The following PIAS2 variants were observed in gnomAD, a reference collection of about 807,000 sequenced individuals.
The protein encoded by PIAS2 is E3 SUMO-protein ligase PIAS2.
In PIAS2, 19 loss-of-function variants were observed where a neutral mutation model predicts 69.7. That is an observed-to-expected ratio of 0.27 (90% CI 0.19 to 0.40). The LOEUF is 0.40. Among genes scored for constraint, PIAS2 ranks in the 10% least tolerant of loss-of-function variants. PIAS2 has a pLI of 1.00. For missense variants in PIAS2, 624 were observed against 757.0 expected (o/e 0.82, Z 2.06); for synonymous variants, 261 against 263.2 (o/e 0.99, Z 0.08).
chr18:46,832,892 C>CA (rs34958166), intron 9 of PIAS2, among the ~76,000 whole-genome samples: 54,136 of 105,604 alleles, frequency 0.51, 12,148 homozygotes, highest in Middle Eastern at 0.58. Flanking sequence ...CCTCTGTCTC[C>CA]AAAAAAAAAA....
In PIAS2 at chr18:46,808,552, T is replaced by C. The variant is rs930032470; in HGVS notation, c.*3881A>G. On this transcript the variant is annotated 3_prime_UTR_variant, in exon 14 of 14. Coordinates refer to ENST00000585916, the MANE Select transcript of PIAS2 (RefSeq NM_004671.5). Reference sequence around the variant, plus strand: ...ATTTTCTTCTACCTGTTTCACCACATTCATGTAGAACTGTAGTAAAAAAGA... The same window carrying C: ...ATTTTCTTCTACCTGTTTCACCACACTCATGTAGAACTGTAGTAAAAAAGA... 5.3e-5 allele frequency: 8 copies of C among 152,178 alleles called. No homozygotes were observed. The highest frequency in any genetic ancestry group is 3.3e-4 in the Admixed American group (5 of 15,278). 9.4% of individuals were successfully genotyped at this position (152,178 alleles called of 1,614,324 possible). A position where few individuals can be genotyped will look rare whatever the true frequency, so the allele number is the denominator to read the frequency against.
intron 9 of PIAS2, chr18:46,836,133 T>C: frequency 2.7e-6 from 1 of 366,592 alleles, no homozygotes; most frequent in Non-Finnish European, 5.0e-6. Flanking sequence ...AGCAAAAACA[T>C]TGCCCTCAAC....
rs376282702 is a variant in PIAS2, at chr18:46,885,858, T to C, written c.499+4722A>G. ...ACAAAATATCTCTGGCATTATTTTATCTAAGCCAAATGAGATAGTTTTGAA... is the reference window on the plus strand; with the variant it reads ...ACAAAATATCTCTGGCATTATTTTACCTAAGCCAAATGAGATAGTTTTGAA... On this transcript the variant is annotated intron_variant, in intron 2 of 13. Coordinates refer to ENST00000585916, the MANE Select transcript of PIAS2 (RefSeq NM_004671.5). Among the ~76,000 whole-genome samples, 14 of 152,362 alleles carry C rather than the reference T, an allele frequency of 9.2e-5. 1 individual carries two copies. In the South Asian group the frequency reaches 1.4e-3, roughly 16 times the overall value.
At chr18:46,871,845 T>C (rs1451495864) in intron 2 of PIAS2, among the ~76,000 whole-genome samples, 1 of 152,212 alleles carries the variant, frequency 6.6e-6, no homozygotes, top group Non-Finnish European at 1.5e-5. Flanking sequence ...TAGGAAGACA[T>C]TTAATGCTAA....
At chr18:46,814,221 A>G (rs1278273433) in intron 13 of PIAS2, among the ~76,000 whole-genome samples, 2 of 152,128 alleles carry the variant, frequency 1.3e-5, no homozygotes, top group East Asian at 3.8e-4. Context: ...CAAGTAGTAA[A>G]ACCTAAGGAT....
intron 5 of PIAS2, among the ~76,000 whole-genome samples, chr18:46,849,788 G>A (rs1180937366): frequency 6.6e-6 from 1 of 152,126 alleles, no homozygotes; most frequent in Non-Finnish European, 1.5e-5. Context: ...CCACCAACCA[G>A]GTTCAATAAT....
chr18:46,816,933 T>C (rs2041619321), intron 12 of PIAS2: 2 of 935,226 alleles, frequency 2.1e-6, no homozygotes, highest in South Asian at 4.9e-5. Context: ...ATATTAATAA[T>C]ATTCAATAAA....
intron 2 of PIAS2, among the ~76,000 whole-genome samples, chr18:46,882,304 A>C (rs1452616996): frequency 6.6e-6 from 1 of 152,168 alleles, no homozygotes; most frequent in Non-Finnish European, 1.5e-5. Flanking sequence ...TTTAAGGATA[A>C]AAAGAGATTG....
chr18:46,862,552 T>C (rs2048818306), intron 3 of PIAS2, among the ~76,000 whole-genome samples: 1 of 152,154 alleles, frequency 6.6e-6, no homozygotes, highest in Non-Finnish European at 1.5e-5. Context: ...TTTATCATGC[T>C]GAATCTTTTA....
chr18:46,916,893 GAA>G, intron 1 of PIAS2: 1 of 985,514 alleles, frequency 1.0e-6, no homozygotes, highest in East Asian at 1.1e-4. Context: ...TCAGCTTTCA[GAA>G]AACAGTCCTC....
At chr18:46,885,423 G>A (rs542179303) in intron 2 of PIAS2, among the ~76,000 whole-genome samples, 2 of 152,114 alleles carry the variant, frequency 1.3e-5, no homozygotes, top group Admixed American at 1.3e-4. Context: ...GGGAGGCTGA[G>A]GCAAGGAGAA....
At chr18:46,898,744 A>T (rs753297490) in intron 1 of PIAS2, among the ~76,000 whole-genome samples, 2 of 152,182 alleles carry the variant, frequency 1.3e-5, no homozygotes, top group African/African-American at 2.4e-5. Context: ...CTCTAATCTC[A>T]ACACTTTGGG....
intron 1 of PIAS2, among the ~76,000 whole-genome samples, chr18:46,896,072 T>C (rs142086311): frequency 1.3e-5 from 2 of 150,044 alleles, no homozygotes; most frequent in African/African-American, 4.9e-5. Flanking sequence ...ACAACAGAGA[T>C]TTAAAATAAA....
At chr18:46,834,524 A>T (rs1263710400) in intron 9 of PIAS2, among the ~76,000 whole-genome samples, 2 of 152,242 alleles carry the variant, frequency 1.3e-5, no homozygotes, top group Non-Finnish European at 2.9e-5. Context: ...TTAAAGAAAT[A>T]TCTGATAACT....
rs948836898 is a variant in PIAS2, at chr18:46,803,941, T to C, written c.*8492A>G. The C allele has an allele frequency of 6.6e-6, 1 of 152,088 alleles. No individual in the cohort carries two copies. Among genetic ancestry groups the C allele is most frequent in the African/African-American group, 2.4e-5 (1 of 41,390 alleles). 9.4% of individuals were successfully genotyped at this position (152,088 alleles called of 1,614,324 possible). ...CCTGTAAGTTTTGGAGTTCAGAAGG[T>C]GAGTATGCTGCCTTTCAACACCTCA... On this transcript the variant is annotated 3_prime_UTR_variant, in exon 14 of 14. Coordinates refer to ENST00000585916, the MANE Select transcript of PIAS2 (RefSeq NM_004671.5).
chr18:46,875,368 G>T (rs1042656030), intron 2 of PIAS2, among the ~76,000 whole-genome samples: 2 of 152,118 alleles, frequency 1.3e-5, no homozygotes, highest in African/African-American at 4.8e-5. Context: ...CAACTTACGT[G>T]GTCCCACCCC....
rs1568766606 is a variant in PIAS2, at chr18:46,890,603, ACAT to A, written c.473_475del (p.Asp158del). 2.5e-6 allele frequency: 4 copies of A among 1,610,482 alleles called. No individual in the cohort carries two copies. Among genetic ancestry groups the A allele is most frequent in the Non-Finnish European group, 2.5e-6 (3 of 1,176,780 alleles). ...ACCTAAACTCGTGGGCTTGATGAGA[ACAT>A]CAAGGACATCATAAAAGGGCAGATT... On this transcript the variant is annotated inframe_deletion, in exon 2 of 14. Coordinates refer to ENST00000585916, the MANE Select transcript of PIAS2 (RefSeq NM_004671.5).
rs1165100850 is a variant in PIAS2, at chr18:46,890,737, T to C, written c.342A>G (p.Pro114=). ...GCAGCACAGAACCAACAGGAGAGGATGGTGAGTGAGGTGTAACTGAAGTGG... is the reference window on the plus strand; with the variant it reads ...GCAGCACAGAACCAACAGGAGAGGACGGTGAGTGAGGTGTAACTGAAGTGG... ...LPSTSVTPHS[P]SSPVGSVLLQ... Residue 114 remains proline (P), a synonymous_variant, in exon 2 of 14, where the codon CCA becomes CCG. Transcript: ENST00000585916. The C allele has an allele frequency of 1.2e-6, 2 of 1,613,880 alleles. No homozygotes were observed. Among genetic ancestry groups the C allele is most frequent in the African/African-American group, 2.7e-5 (2 of 74,852 alleles).
chr18:46,893,828 A>C (rs918123455), intron 1 of PIAS2, among the ~76,000 whole-genome samples: 3 of 152,020 alleles, frequency 2.0e-5, no homozygotes, highest in African/African-American at 7.2e-5. Context: ...ACACCCCCCA[A>C]AAAAATCCCT....
Sources: gnomAD v4.1 joint callset for allele counts (sites outside exome capture counted in the v4.1 genomes callset) on GRCh38, gnomAD v4.1.1 for gene constraint, MANE v1.5 for transcripts, NCBI Gene and HGNC (gene_info 2026-07-23, HGNC 2026-07-21) for gene names.